The following AGBL4 variants were observed in gnomAD, a reference collection of about 807,000 sequenced individuals.
AGBL4 encodes cytosolic carboxypeptidase 6.
In AGBL4, 58 loss-of-function variants were observed where a neutral mutation model predicts 66.4. That is an observed-to-expected ratio of 0.87 (90% confidence interval 0.71 to 1.09). The LOEUF is 1.09. AGBL4 is among the 50% of genes least tolerant of loss of function. The pLI is 0.00. For missense variants in AGBL4, 579 were observed against 631.0 expected (o/e 0.92, Z 0.88); for synonymous variants, 234 against 222.9 (o/e 1.05, Z -0.44).
intron 1 of AGBL4, among the ~76,000 whole-genome samples, chr1:49,891,811 A>G (rs551386746): frequency 1.4e-4 from 22 of 152,178 alleles, no homozygotes; most frequent in Non-Finnish European, 2.6e-4. Flanking sequence ...TGGTCTCCCC[A>G]TTCATTCCCA....
chr1:50,001,340 T>C (rs1660735013), intron 1 of AGBL4, among the ~76,000 whole-genome samples: 2 of 151,588 alleles, frequency 1.3e-5, no homozygotes, highest in Non-Finnish European at 1.5e-5. Context: ...AGAGTGACTT[T>C]ATGAAAGTAG....
intron 1 of AGBL4, among the ~76,000 whole-genome samples, chr1:49,923,124 A>G (rs1438840148): frequency 6.6e-6 from 1 of 152,190 alleles, no homozygotes; most frequent in Non-Finnish European, 1.5e-5. Context: ...ACAGACACAT[A>G]GTCCAATGGA....
chr1:49,595,983 C>T (rs1644845972), intron 3 of AGBL4, among the ~76,000 whole-genome samples: 1 of 152,128 alleles, frequency 6.6e-6, no homozygotes, highest in African/African-American at 2.4e-5. Context: ...CTCTTCTCTA[C>T]TCCCCACCCA....
chr1:48,817,240 A>C (rs1646201479), intron 6 of AGBL4, among the ~76,000 whole-genome samples: 1 of 152,132 alleles, frequency 6.6e-6, no homozygotes, highest in Non-Finnish European at 1.5e-5. Context: ...GAATAGTGGT[A>C]TTCTGTTAAG....
chr1:49,260,627 A>G (rs1207807809), intron 3 of AGBL4, among the ~76,000 whole-genome samples: 1 of 152,176 alleles, frequency 6.6e-6, no homozygotes, highest in Non-Finnish European at 1.5e-5. Context: ...GAATCTCTGA[A>G]TAGACCAATA....
In AGBL4 at chr1:48,653,459, A is replaced by G; in HGVS notation, c.725-8T>C. The stretch of plus-strand genomic sequence containing the variant: ...CAAGGAAGTCAATGATCCCTAGGGA[A>G]AGAGAAGAGCCCGGTTTAACAACAA... On this transcript the variant is annotated splice_region_variant and splice_polypyrimidine_tract_variant and intron_variant, in intron 7 of 13. Transcript: ENST00000371839. 1 of 1,540,646 alleles carries G rather than the reference A, an allele frequency of 6.5e-7. No individual in the cohort carries two copies. The highest frequency in any genetic ancestry group is 8.8e-7 in the Non-Finnish European group (1 of 1,134,618).
rs897582815 is a variant in AGBL4 at position 49,710,184 on chromosome 1, C to T, written c.158-12747G>A. ...TGTTCACAATAGCAAAGACTTGGAA[C>T]CAACCCAAATGCCCATCAATGGTAG... On this transcript the variant is annotated intron_variant, in intron 2 of 13. Coordinates refer to ENST00000371839, the MANE Select transcript of AGBL4 (RefSeq NM_032785.4). Among the ~76,000 whole-genome samples, 9 of 152,120 alleles carry T rather than the reference C, an allele frequency of 5.9e-5. No homozygotes were observed. In the South Asian group the frequency reaches 8.3e-4, roughly 14 times the overall value.
At chr1:49,269,544 T>A (rs113048491) in intron 3 of AGBL4, among the ~76,000 whole-genome samples, 150 of 152,196 alleles carry the variant, frequency 9.9e-4, no homozygotes, top group Middle Eastern at 3.4e-3. Flanking sequence ...GATAATAACA[T>A]TTACTATCTA....
At chr1:49,202,835 G>C (rs193194476) in intron 4 of AGBL4, among the ~76,000 whole-genome samples, 3 of 152,044 alleles carry the variant, frequency 2.0e-5, no homozygotes, top group East Asian at 3.9e-4. Flanking sequence ...TACAGAATGA[G>C]AGAAAATATT....
chr1:48,800,225 A>G (rs749732473), intron 6 of AGBL4, among the ~76,000 whole-genome samples: 4 of 152,104 alleles, frequency 2.6e-5, no homozygotes, highest in African/African-American at 4.8e-5. Flanking sequence ...GGTTTAATGT[A>G]GGAGGGTTGT....
chr1:49,788,974 G>A (rs183006120), intron 2 of AGBL4, among the ~76,000 whole-genome samples: 1 of 152,274 alleles, frequency 6.6e-6, no homozygotes, highest in Non-Finnish European at 1.5e-5. Flanking sequence ...TATTGGCTGT[G>A]GGTCTGTCAT....
chr1:49,191,288 G>A (rs1054877786), intron 4 of AGBL4, among the ~76,000 whole-genome samples: 7 of 152,094 alleles, frequency 4.6e-5, no homozygotes, highest in African/African-American at 1.7e-4. Flanking sequence ...CCACCACACC[G>A]TGTACTTCTC....
At chr1:49,125,714 C>G (rs1484254279) in intron 4 of AGBL4, among the ~76,000 whole-genome samples, 3 of 152,116 alleles carry the variant, frequency 2.0e-5, no homozygotes, top group Non-Finnish European at 1.5e-5. Flanking sequence ...GTGATGCAAG[C>G]AGTATTATCT....
intron 4 of AGBL4, among the ~76,000 whole-genome samples, chr1:49,206,616 T>C (rs1368573853): frequency 6.6e-6 from 1 of 152,082 alleles, no homozygotes. Flanking sequence ...AAATGAAGGT[T>C]CTGCTTCACC....
intron 2 of AGBL4, among the ~76,000 whole-genome samples, chr1:49,760,916 A>G (rs1033985136): frequency 6.6e-6 from 1 of 152,196 alleles, no homozygotes; most frequent in Non-Finnish European, 1.5e-5. Flanking sequence ...AAATCAACAC[A>G]GAAACAGAAA....
At chr1:49,982,826 G>A (rs568668346) in intron 1 of AGBL4, among the ~76,000 whole-genome samples, 9 of 151,878 alleles carry the variant, frequency 5.9e-5, no homozygotes, top group East Asian at 3.9e-4. Context: ...GTATCCAGAC[G>A]ACCAGCTATG....
intron 1 of AGBL4, among the ~76,000 whole-genome samples, chr1:50,019,266 T>TCC (rs1662236042): frequency 3.2e-5 from 1 of 31,642 alleles, no homozygotes; most frequent in South Asian, 1.1e-3. Flanking sequence ...AAAAATATTC[T>TCC]CTCTCTCTCT....
intron 11 of AGBL4, among the ~76,000 whole-genome samples, chr1:48,550,328 G>A (rs75477434): frequency 0.059 from 8,908 of 151,782 alleles, 331 homozygotes; most frequent in South Asian, 0.097. Context: ...AGGCCCCGGG[G>A]AGAAAACAGA....
chr1:48,603,197 C>T (rs1251341096), intron 9 of AGBL4, among the ~76,000 whole-genome samples: 1 of 152,162 alleles, frequency 6.6e-6, no homozygotes, highest in Non-Finnish European at 1.5e-5. Context: ...TGGGGCCCAG[C>T]GCAGTGGCTC....
Sources: gnomAD v4.1 joint callset for allele counts (sites outside exome capture counted in the v4.1 genomes callset) on GRCh38, gnomAD v4.1.1 for gene constraint, MANE v1.5 for transcripts, NCBI Gene and HGNC (gene_info 2026-07-23, HGNC 2026-07-21) for gene names.